FOXO1: variants seen among roughly 807,000 people sequenced by gnomAD.
The protein encoded by FOXO1 is forkhead box O1, also known as forkhead box protein O1.
FOXO1 carries 6 observed loss-of-function variants against 44.1 expected under a neutral mutation model. The observed-to-expected ratio is 0.14, with a 90% CI of 0.07 to 0.27. FOXO1 has a LOEUF of 0.27. FOXO1 is among the 10% of genes least tolerant of loss of function. FOXO1 has a pLI of 1.00. For missense variants in FOXO1, 737 were observed against 888.8 expected (o/e 0.83, Z 2.17); for synonymous variants, 380 against 362.7 (o/e 1.05, Z -0.54).
chr13:40,574,266 C>G (rs550913392), intron 1 of FOXO1, among the ~76,000 whole-genome samples: 1 of 152,240 alleles, frequency 6.6e-6, no homozygotes, highest in Admixed American at 6.5e-5. Context: ...CTTAAAACTA[C>G]GAAGTTGCCA....
At chr13:40,645,875 T>C (rs1877491627) in intron 1 of FOXO1, among the ~76,000 whole-genome samples, 1 of 152,062 alleles carries the variant, frequency 6.6e-6, no homozygotes, top group South Asian at 2.1e-4. Flanking sequence ...GAGACCAGCC[T>C]GACAAACATG....
intron 1 of FOXO1, chr13:40,619,338 C>T (rs4435111): frequency 0.087 from 48,186 of 556,938 alleles, 2,778 homozygotes; most frequent in East Asian, 0.25. Context: ...ATTACAGAGA[C>T]TCAGAAGTCC....
intron 1 of FOXO1, among the ~76,000 whole-genome samples, chr13:40,617,572 C>T (rs1273064553): frequency 3.3e-5 from 5 of 152,044 alleles, no homozygotes; most frequent in African/African-American, 1.2e-4. Context: ...AGAAAAGGAA[C>T]TCAGTCTCAT....
intron 1 of FOXO1, among the ~76,000 whole-genome samples, chr13:40,643,357 A>G (rs1383874323): frequency 1.3e-5 from 2 of 151,710 alleles, no homozygotes; most frequent in Admixed American, 6.6e-5. Context: ...GAAAAAAAAA[A>G]AAAAAAGAAA....
rs1593422504 is a variant in FOXO1, at chr13:40,666,480, C to G, written c.-268G>C. On this transcript the variant is annotated 5_prime_UTR_variant, in exon 1 of 3. Transcript: ENST00000379561. ...CCAGAGCCGCCGGGCCGGGGCAGAG[C>G]CTGCGCCGCGCTCCAGCTGACAGGG... The G allele has an allele frequency of 8.6e-6, 3 of 347,546 alleles. No homozygotes were observed. Among genetic ancestry groups the G allele is most frequent in the South Asian group, 2.6e-4 (2 of 7,702 alleles). The allele number at this position is 347,546 out of a possible 1,614,324, so 21.5% of individuals were successfully genotyped here. A position where few individuals can be genotyped will look rare whatever the true frequency, so the allele number is the denominator to read the frequency against.
At chr13:40,654,695 G>A (rs893525143) in intron 1 of FOXO1, among the ~76,000 whole-genome samples, 1 of 152,166 alleles carries the variant, frequency 6.6e-6, no homozygotes, top group African/African-American at 2.4e-5. Context: ...AAAGAATACA[G>A]TGGGGCTTAC....
chr13:40,608,459 A>C (rs761841250), intron 1 of FOXO1, among the ~76,000 whole-genome samples: 1 of 152,242 alleles, frequency 6.6e-6, no homozygotes, highest in Non-Finnish European at 1.5e-5. Context: ...ACATGTGAGC[A>C]AGAAATAAAT....
At position 40,571,576 on chromosome 13, in the gene FOXO1, C is replaced by G. The variant is rs533390888; in HGVS notation, c.631-10716G>C. ...GACAGCCACAACTCCCCCATCTTGC[C>G]CATCAGTGACCTAAAGGGGCCTTCC... On this transcript the variant is annotated intron_variant, in intron 1 of 2. Transcript: ENST00000379561. Among the ~76,000 whole-genome samples, 215 of 152,256 alleles carry G rather than the reference C, an allele frequency of 1.4e-3. 1 individual carries two copies. Among genetic ancestry groups the G allele is most frequent in the Non-Finnish European group, 2.6e-3 (178 of 68,026 alleles).
chr13:40,610,189 G>A (rs1455291116), intron 1 of FOXO1, among the ~76,000 whole-genome samples: 2 of 152,144 alleles, frequency 1.3e-5, no homozygotes, highest in Admixed American at 1.3e-4. Context: ...AGGACATCCG[G>A]GGTGCTTTTT....
chr13:40,629,206 A>T (rs1199773238), intron 1 of FOXO1, among the ~76,000 whole-genome samples: 1 of 151,614 alleles, frequency 6.6e-6, no homozygotes, highest in Admixed American at 6.6e-5. Context: ...GCAGTGGTGC[A>T]ATCTCGGCCC....
rs2137950424 is a variant in FOXO1, at chr13:40,665,867, C to T, written c.346G>A (p.Gly116Ser). The change falls in exon 1 of 3, where the codon GGC (glycine) becomes AGC (serine). Residue 116 changes from glycine to serine, a missense_variant. Gly to Ser is a moderately conservative substitution (Grantham distance 56). Around this residue, in one of 7 missense-constraint regions of FOXO1, gnomAD observed 213 missense variants for 236.4 expected, o/e 0.90. Coordinates refer to ENST00000379561, the MANE Select transcript of FOXO1 (RefSeq NM_002015.4). ...LCGDFQGPEA[G>S]CLHPAPPQPP... ...TGCGGTGGCGCTGGGTGCAGGCAGC[C>T]CGCCTCCGGGCCCTGGAAGTCCCCG... is the stretch of plus-strand genomic sequence containing the variant. 1 of 1,131,096 alleles carries T rather than the reference C, an allele frequency of 8.8e-7. No individual in the cohort carries two copies. The highest frequency in any genetic ancestry group is 1.7e-5 in the African/African-American group (1 of 60,596). 70.1% of individuals were successfully genotyped at this position (1,131,096 alleles called of 1,614,324 possible).
intron 1 of FOXO1, chr13:40,619,352 G>C (rs1876531865): frequency 1.7e-6 from 1 of 595,104 alleles, no homozygotes; most frequent in Admixed American, 2.5e-5. Context: ...GAAGTCCCCA[G>C]AGAAAGTTCA....
At chr13:40,627,897 A>G (rs1368088360) in intron 1 of FOXO1, among the ~76,000 whole-genome samples, 2 of 152,050 alleles carry the variant, frequency 1.3e-5, no homozygotes, top group East Asian at 1.9e-4. Flanking sequence ...CTACAGATCC[A>G]TAATAGACTA....
intron 1 of FOXO1, among the ~76,000 whole-genome samples, chr13:40,655,673 G>A (rs922417080): frequency 2.7e-5 from 3 of 112,300 alleles, no homozygotes; most frequent in African/African-American, 1.1e-4. Flanking sequence ...GAGTCTTGCT[G>A]TCGCCCAGGC....
intron 1 of FOXO1, among the ~76,000 whole-genome samples, chr13:40,624,317 T>TAAAAAAAAAAAAAAAAAA (rs10552634): frequency 4.0e-5 from 4 of 100,954 alleles, no homozygotes; most frequent in Non-Finnish European, 4.2e-5. Flanking sequence ...TAATACTGCT[T>TAAAAAAAAAAAAAAAAAA]AAAAAAAAAA....
At chr13:40,653,687 A>G (rs1877759007) in intron 1 of FOXO1, among the ~76,000 whole-genome samples, 2 of 152,176 alleles carry the variant, frequency 1.3e-5, no homozygotes, top group Admixed American at 6.5e-5. Flanking sequence ...ACAAAATACA[A>G]CCACAGAGGT....
chr13:40,597,177 T>C (rs1160858217), intron 1 of FOXO1, among the ~76,000 whole-genome samples: 1 of 137,150 alleles, frequency 7.3e-6, no homozygotes. Flanking sequence ...ACGTGATTAA[T>C]GCTTTAATAT....
chr13:40,663,728 T>A (rs887062238), intron 1 of FOXO1, among the ~76,000 whole-genome samples: 25 of 152,368 alleles, frequency 1.6e-4, no homozygotes, highest in African/African-American at 4.8e-4. Flanking sequence ...AAATTGCATG[T>A]AATGCCTGGT....
At chr13:40,641,190 G>A (rs1333159216) in intron 1 of FOXO1, among the ~76,000 whole-genome samples, 1 of 152,014 alleles carries the variant, frequency 6.6e-6, no homozygotes, top group Non-Finnish European at 1.5e-5. Flanking sequence ...GTATGTGTAG[G>A]GGGTGACAGA....
Sources: allele counts gnomAD v4.1 joint callset (sites outside exome capture counted in the v4.1 genomes callset), GRCh38; gene constraint gnomAD v4.1.1; regional missense constraint gnomAD v4.1.1; transcripts MANE v1.5; gene names NCBI Gene and HGNC (gene_info 2026-07-23, HGNC 2026-07-21).